CYB5B: variants seen among roughly 807,000 people sequenced by gnomAD.
CYB5B encodes cytochrome b5 type B, also known as cytochrome b5 type B (outer mitochondrial membrane).
Under a neutral mutation model 21.3 loss-of-function variants are expected in CYB5B, and 14 were observed. The observed-to-expected ratio is 0.66, with a 90% confidence interval of 0.43 to 1.03. The LOEUF (loss-of-function observed/expected upper bound fraction) is 1.03. Among genes scored for constraint, CYB5B ranks in the 50% least tolerant of loss-of-function variants. The pLI is 0.00. For missense variants in CYB5B, 166 were observed against 185.1 expected, an observed-to-expected ratio of 0.90 and a Z score of 0.60; for synonymous variants, 69 against 68.4, an observed-to-expected ratio of 1.01 and a Z score of -0.04.
At chr16:69,453,777 T>G (rs1176658470) in intron 3 of CYB5B, among the ~76,000 whole-genome samples, 1 of 152,170 alleles carries the variant, frequency 6.6e-6, no homozygotes, top group African/African-American at 2.4e-5. Context: ...CAGGCTGGTC[T>G]CGAACTCCTG....
intron 1 of CYB5B, among the ~76,000 whole-genome samples, chr16:69,433,539 CCTT>C (rs2014728269): frequency 6.6e-6 from 1 of 152,220 alleles, no homozygotes; most frequent in South Asian, 2.1e-4. Flanking sequence ...CCCTCCTCCT[CCTT>C]CACCACAGCT....
In CYB5B at chr16:69,442,184, A is replaced by G. The variant is rs1466995060; in HGVS notation, c.175-4966A>G. Among the ~76,000 whole-genome samples the G allele has an allele frequency of 2.0e-5, 3 of 152,346 alleles. 1 individual carries two copies. In the South Asian group the frequency reaches 6.2e-4, roughly 32 times the overall value. On this transcript the variant is annotated intron_variant, in intron 1 of 4. Coordinates refer to ENST00000307892, the MANE Select transcript of CYB5B (RefSeq NM_030579.3). ...ACTGTGATTAAAAGTCAGACTGCATATAATAATTAGTTATAATTAATAATG... is the reference window on the plus strand; with the variant it reads ...ACTGTGATTAAAAGTCAGACTGCATGTAATAATTAGTTATAATTAATAATG...
intron 1 of CYB5B, among the ~76,000 whole-genome samples, chr16:69,441,954 G>T (rs1177901237): frequency 2.0e-5 from 3 of 152,174 alleles, no homozygotes; most frequent in Non-Finnish European, 4.4e-5. Context: ...TGTCTGAAAA[G>T]AGTTTGTGTG....
chr16:69,456,494 T>C (rs972095638), intron 3 of CYB5B, among the ~76,000 whole-genome samples: 2 of 152,242 alleles, frequency 1.3e-5, no homozygotes, highest in Non-Finnish European at 2.9e-5. Flanking sequence ...ATTCTAAGCT[T>C]TTCGAAGAAA....
intron 3 of CYB5B, among the ~76,000 whole-genome samples, chr16:69,457,328 CTAAT>C (rs1453621113): frequency 6.6e-6 from 1 of 152,114 alleles, no homozygotes; most frequent in East Asian, 1.9e-4. Context: ...GATTTTTACT[CTAAT>C]TATAGATTAA....
intron 1 of CYB5B, among the ~76,000 whole-genome samples, chr16:69,434,130 T>C (rs1266298179): frequency 1.3e-5 from 2 of 152,228 alleles, no homozygotes; most frequent in Non-Finnish European, 2.9e-5. Flanking sequence ...TTTCTAACAC[T>C]ATAGTACGTA....
Position 69,462,603 on chromosome 16 carries a change from C to T in CYB5B, c.*83C>T. On this transcript the variant is annotated 3_prime_UTR_variant, in exon 5 of 5. Transcript: ENST00000307892. ...CTTGGGGGCTGCAGAAGTGCCCTCT[C>T]CTCGAATCCTGCCAGTTGCATTCTT... The T allele has an allele frequency of 1.8e-6, 2 of 1,121,058 alleles. No individual in the cohort carries two copies. The highest frequency in any genetic ancestry group is 1.3e-6 in the Non-Finnish European group (1 of 747,380). 69.4% of individuals were successfully genotyped at this position (1,121,058 alleles called of 1,614,324 possible).
intron 3 of CYB5B, among the ~76,000 whole-genome samples, chr16:69,457,976 T>G (rs1020719044): frequency 1.3e-5 from 2 of 152,290 alleles, no homozygotes; most frequent in East Asian, 3.9e-4. Flanking sequence ...CCTGATATAC[T>G]TCTACATTTT....
chr16:69,440,268 A>G, intron 1 of CYB5B, among the ~76,000 whole-genome samples: 1 of 152,230 alleles, frequency 6.6e-6, no homozygotes, highest in East Asian at 1.9e-4. Context: ...TTTACATCTT[A>G]CAAAAATGAG....
chr16:69,461,477 G>A (rs1240924079), intron 4 of CYB5B, among the ~76,000 whole-genome samples: 1 of 152,140 alleles, frequency 6.6e-6, no homozygotes, highest in Non-Finnish European at 1.5e-5. Flanking sequence ...GGCATGTTTA[G>A]GCAAAGAGAA....
intron 3 of CYB5B, among the ~76,000 whole-genome samples, chr16:69,456,948 G>C (rs2014989182): frequency 6.6e-6 from 1 of 152,138 alleles, no homozygotes; most frequent in South Asian, 2.1e-4. Context: ...ATTAAAAGTG[G>C]GGTCACTATG....
At chr16:69,433,823 C>T (rs985832675) in intron 1 of CYB5B, among the ~76,000 whole-genome samples, 1 of 152,176 alleles carries the variant, frequency 6.6e-6, no homozygotes, top group Non-Finnish European at 1.5e-5. Context: ...GTTGATTTTA[C>T]CCCTTCACAA....
In CYB5B at chr16:69,465,302, G is replaced by T. The variant is rs1382288807; in HGVS notation, c.*2782G>T. The T allele has an allele frequency of 6.6e-6, 1 of 152,310 alleles. No homozygotes were observed. Among genetic ancestry groups the T allele is most frequent in the Non-Finnish European group, 1.5e-5 (1 of 68,164 alleles). The allele number at this position is 152,310 out of a possible 1,614,324, so 9.4% of individuals were successfully genotyped here. ...TCATGCTACCGAAATAGAGGGTGTTGGTACCACTGCCCCTGGCCTGAGAGC... is the reference window on the plus strand; with the variant it reads ...TCATGCTACCGAAATAGAGGGTGTTTGTACCACTGCCCCTGGCCTGAGAGC... On this transcript the variant is annotated 3_prime_UTR_variant, in exon 5 of 5. Coordinates refer to ENST00000307892, the MANE Select transcript of CYB5B (RefSeq NM_030579.3).
intron 4 of CYB5B, among the ~76,000 whole-genome samples, chr16:69,460,363 G>A (rs2015022984): frequency 6.6e-6 from 1 of 152,066 alleles, no homozygotes; most frequent in Non-Finnish European, 1.5e-5. Context: ...AACCTCAGTA[G>A]AATATGAGAA....
chr16:69,446,859 G>A (rs1027736303), intron 1 of CYB5B, among the ~76,000 whole-genome samples: 3 of 152,060 alleles, frequency 2.0e-5, no homozygotes, highest in Non-Finnish European at 2.9e-5. Context: ...CATGACTGTG[G>A]TATCTTTAGA....
intron 1 of CYB5B, among the ~76,000 whole-genome samples, chr16:69,430,442 A>G (rs1365533090): frequency 6.6e-6 from 1 of 152,100 alleles, no homozygotes; most frequent in Admixed American, 6.6e-5. Flanking sequence ...GCTGGCCTCA[A>G]ACTCCGGGCT....
chr16:69,459,056 TTTG>T, intron 3 of CYB5B, 34 bp from the exon 4 acceptor site: 1 of 1,534,716 alleles, frequency 6.5e-7, no homozygotes, highest in South Asian at 1.2e-5. Flanking sequence ...TTTCTTTTTG[TTTG>T]TTATTTTTGA....
chr16:69,457,262 T>C (rs528729842), intron 3 of CYB5B, among the ~76,000 whole-genome samples: 2 of 152,346 alleles, frequency 1.3e-5, no homozygotes, highest in South Asian at 2.1e-4. Context: ...GGGCTTTTGA[T>C]TGTAAAAGAG....
rs1460724064 is a variant in CYB5B at position 69,465,597 on chromosome 16, T to G, written c.*3077T>G. 2 of 152,246 alleles carry G rather than the reference T, an allele frequency of 1.3e-5. No individual in the cohort carries two copies. The highest frequency in any genetic ancestry group is 4.8e-5 in the African/African-American group (2 of 41,476). The allele number at this position is 152,246 out of a possible 1,614,324, so 9.4% of individuals were successfully genotyped here. A position where few individuals can be genotyped will look rare whatever the true frequency, so the allele number is the denominator to read the frequency against. The stretch of plus-strand genomic sequence containing the variant: ...TGTGAAATCAGAACACTGTCGAGTT[T>G]ATACTCATTTAGCTGCAATGTGGGA... On this transcript the variant is annotated 3_prime_UTR_variant, in exon 5 of 5. Coordinates refer to ENST00000307892, the MANE Select transcript of CYB5B (RefSeq NM_030579.3).
Sources: allele counts gnomAD v4.1 joint callset (sites outside exome capture counted in the v4.1 genomes callset), GRCh38; gene constraint gnomAD v4.1.1; transcripts MANE v1.5; gene names NCBI Gene and HGNC (gene_info 2026-07-23, HGNC 2026-07-21).